Variants in DCP2 observed in about 807,000 individuals in gnomAD.
DCP2 encodes m7GpppN-mRNA hydrolase.
In DCP2, 30 loss-of-function variants were observed where a neutral mutation model predicts 56.1. The ratio of observed to expected loss-of-function variants is 0.53; its 90% CI spans 0.40 to 0.73. The LOEUF is 0.73. DCP2 is among the 30% of genes least tolerant of loss of function. DCP2 has a pLI of 0.00. For synonymous variants in DCP2, 197 were observed against 163.3 expected, an observed-to-expected ratio of 1.21 and a Z score of -1.57; for missense variants, 533 against 502.7, an observed-to-expected ratio of 1.06 and a Z score of -0.58.
chr5:112,997,597 TTTTC>T (rs1301465806), intron 4 of DCP2, among the ~76,000 whole-genome samples: 2 of 149,754 alleles, frequency 1.3e-5, no homozygotes, highest in Non-Finnish European at 2.9e-5. Context: ...GGGTTACACT[TTTTC>T]TTTTTCTTTT....
intron 2 of DCP2, among the ~76,000 whole-genome samples, 190 bp downstream of exon 2, chr5:112,986,176 T>G (rs918413518): frequency 3.3e-5 from 5 of 152,112 alleles, no homozygotes; most frequent in African/African-American, 1.2e-4. Flanking sequence ...TCATTAATAC[T>G]CATAATAATC....
chr5:112,977,473 T>A (rs1014199640), intron 1 of DCP2, among the ~76,000 whole-genome samples: 1 of 152,212 alleles, frequency 6.6e-6, no homozygotes, highest in Non-Finnish European at 1.5e-5. Context: ...ATTTTCGGAC[T>A]TATTCTGACG....
At chr5:112,977,186 C>T (rs560165395) in intron 1 of DCP2, among the ~76,000 whole-genome samples, 200 bp downstream of exon 1, 2 of 152,234 alleles carry the variant, frequency 1.3e-5, no homozygotes, top group African/African-American at 2.4e-5. Flanking sequence ...TCTCAAGGCC[C>T]TCCGTCCTTC....
chr5:112,984,704 ATATATATAT>A (rs1369546590), intron 1 of DCP2: 23 of 89,046 alleles, frequency 2.6e-4, no homozygotes, highest in Non-Finnish European at 4.7e-4. Context: ...AAAAAAAAAA[ATATATATAT>A]ATATATATAT....
chr5:112,991,253 C>G (rs1045704666), intron 2 of DCP2, among the ~76,000 whole-genome samples: 1 of 151,920 alleles, frequency 6.6e-6, no homozygotes, highest in Non-Finnish European at 1.5e-5. Flanking sequence ...AATTGAGAAC[C>G]CTTAAAAGTA....
intron 5 of DCP2, 50 bp downstream of exon 5, chr5:113,001,286 AAGT>A: frequency 1.3e-6 from 2 of 1,597,230 alleles, no homozygotes; most frequent in African/African-American, 1.3e-5. Flanking sequence ...CCAAATGAAT[AAGT>A]AGGGAAATCC....
chr5:112,977,575 A>T (rs1747777970), intron 1 of DCP2, among the ~76,000 whole-genome samples: 1 of 152,002 alleles, frequency 6.6e-6, no homozygotes, highest in Non-Finnish European at 1.5e-5. Flanking sequence ...TGGGGGAGAG[A>T]GGGAAAAAGT....
intron 4 of DCP2, among the ~76,000 whole-genome samples, chr5:112,996,452 TG>T (rs1748858735): frequency 6.6e-6 from 1 of 152,244 alleles, no homozygotes; most frequent in Non-Finnish European, 1.5e-5. Flanking sequence ...AGTTCTACCA[TG>T]GGTGCTTACA....
chr5:112,987,464 C>T (rs890328723), intron 2 of DCP2, among the ~76,000 whole-genome samples: 16 of 151,890 alleles, frequency 1.1e-4, no homozygotes, highest in Admixed American at 6.6e-4. Flanking sequence ...CCCGCCCGCC[C>T]GACAAACCGA....
At chr5:113,010,837 C>T (rs1453148759) in intron 10 of DCP2, 30 bp downstream of exon 10, 5 of 1,582,580 alleles carry the variant, frequency 3.2e-6, no homozygotes, top group Non-Finnish European at 4.3e-6. Flanking sequence ...TTTATAATCT[C>T]TGCCTTGTGG....
chr5:113,010,037 T>C (rs1749612709), intron 9 of DCP2, among the ~76,000 whole-genome samples: 1 of 148,838 alleles, frequency 6.7e-6, no homozygotes, highest in South Asian at 2.1e-4. Flanking sequence ...CTCAGCTCTT[T>C]TTTTTTTTTT....
rs1043939292 is a variant in DCP2, at chr5:113,016,116, A to G, written c.*2632A>G. The G allele has an allele frequency of 3.3e-5, 5 of 152,670 alleles. No individual in the cohort carries two copies. Among genetic ancestry groups the G allele is most frequent in the African/African-American group, 1.2e-4 (5 of 41,460 alleles). 9.5% of individuals were successfully genotyped at this position (152,670 alleles called of 1,614,324 possible). On this transcript the variant is annotated 3_prime_UTR_variant, in exon 11 of 11. Transcript: ENST00000389063. ...AAAAAATTTGTAGGTGCTTTTATGT[A>G]TAACTTTAATGATTTATAAGATGCT...
Position 113,007,850 on chromosome 5 carries a change from C to G in DCP2, c.943-88C>G, listed in dbSNP as rs1749510257. On this transcript the variant is annotated intron_variant, in intron 8 of 10. Coordinates refer to ENST00000389063, the MANE Select transcript of DCP2 (RefSeq NM_152624.6). The stretch of plus-strand genomic sequence containing the variant: ...GAGAAGCTTTGCTAAAAACTTGGTT[C>G]AACCAGCTAAACATATTCATGGGGT... 14 of 1,172,938 alleles carry G rather than the reference C, an allele frequency of 1.2e-5. No individual in the cohort carries two copies. In the South Asian group the frequency reaches 2.0e-4, roughly 17 times the overall value. 72.7% of individuals were successfully genotyped at this position (1,172,938 alleles called of 1,614,324 possible). A position where few individuals can be genotyped will look rare whatever the true frequency, so the allele number is the denominator to read the frequency against.
intron 2 of DCP2, among the ~76,000 whole-genome samples, chr5:112,987,098 C>T (rs887105010): frequency 6.6e-6 from 1 of 152,016 alleles, no homozygotes; most frequent in Non-Finnish European, 1.5e-5. Flanking sequence ...ATAAAAGATT[C>T]ACATGAATAT....
Position 112,982,010 on chromosome 5 carries a change from C to T in DCP2, c.54-3825C>T, listed in dbSNP as rs142858502. Among the ~76,000 whole-genome samples, 459 of 152,274 alleles carry T rather than the reference C, an allele frequency of 3.0e-3. 3 individuals carry two copies. The highest frequency in any genetic ancestry group is 0.011 in the South Asian group (55 of 4,830). On this transcript the variant is annotated intron_variant, in intron 1 of 10. Coordinates refer to ENST00000389063, the MANE Select transcript of DCP2 (RefSeq NM_152624.6). ...CTTGAACTCCTGACCTCAGGTGATCCGCCTGCCATGGCCTCCCAAAGTGCT... is the reference window on the plus strand; with the variant it reads ...CTTGAACTCCTGACCTCAGGTGATCTGCCTGCCATGGCCTCCCAAAGTGCT...
intron 8 of DCP2, among the ~76,000 whole-genome samples, chr5:113,004,572 C>G (rs1749325131): frequency 6.6e-6 from 1 of 152,170 alleles, no homozygotes; most frequent in Admixed American, 6.5e-5. Flanking sequence ...CTTTAACAAA[C>G]AGTGCTGCTG....
chr5:112,981,580 C>G (rs1468231838), intron 1 of DCP2, among the ~76,000 whole-genome samples: 2 of 152,134 alleles, frequency 1.3e-5, no homozygotes, highest in Admixed American at 1.3e-4. Flanking sequence ...ACAGTAGAGG[C>G]AAGTCTTCAG....
rs759637017 is a variant in DCP2 at position 113,015,126 on chromosome 5, C to T, written c.*1642C>T. On this transcript the variant is annotated 3_prime_UTR_variant, in exon 11 of 11. Coordinates refer to ENST00000389063, the MANE Select transcript of DCP2 (RefSeq NM_152624.6). Reference sequence around the variant, plus strand: ...AAATTTTTGAATCCTGTGACTTTTGCTTTTTAATGCATTATATGATTGTGT... The same window carrying T: ...AAATTTTTGAATCCTGTGACTTTTGTTTTTTAATGCATTATATGATTGTGT... 1.3e-5 allele frequency: 2 copies of T among 152,496 alleles called. No homozygotes were observed. The highest frequency in any genetic ancestry group is 4.8e-5 in the African/African-American group (2 of 41,416). The allele number at this position is 152,496 out of a possible 1,614,324, so 9.4% of individuals were successfully genotyped here. A position where few individuals can be genotyped will look rare whatever the true frequency, so the allele number is the denominator to read the frequency against.
rs60251393 is a variant in DCP2, at chr5:113,000,061, CAAAAAAAAAAAAA to C, written c.433-1014_433-1002del. On this transcript the variant is annotated intron_variant, in intron 4 of 10. Transcript: ENST00000389063. The stretch of plus-strand genomic sequence containing the variant: ...GGGCAACAAGAGCGAAACTCCATCT[CAAAAAAAAAAAAA>C]AAAAAAAAGAAGAAGAAAAACAGGG... 2.3e-3 allele frequency among the ~76,000 whole-genome samples: 211 copies of C among 89,934 alleles called. 1 individual carries two copies. The highest frequency in any genetic ancestry group is 9.0e-3 in the African/African-American group (207 of 22,886). The allele number at this position is 89,934 out of a possible 152,430, so 59.0% of individuals were successfully genotyped here. A position where few individuals can be genotyped will look rare whatever the true frequency, so the allele number is the denominator to read the frequency against.
Sources: gnomAD v4.1 joint callset for allele counts (sites outside exome capture counted in the v4.1 genomes callset) on GRCh38, gnomAD v4.1.1 for gene constraint, MANE v1.5 for transcripts, NCBI Gene and HGNC (gene_info 2026-07-23, HGNC 2026-07-21) for gene names.